The following FANCI variants were observed in gnomAD, a reference collection of about 807,000 sequenced individuals.
The protein encoded by FANCI is Fanconi anemia group I protein.
FANCI carries 156 observed loss-of-function variants against 176.1 expected under a neutral mutation model. That is an observed-to-expected ratio of 0.89 (90% confidence interval 0.78 to 1.01). The LOEUF is 1.01. Ranked by LOEUF, FANCI falls within the 50% of genes least tolerant of loss-of-function variation. FANCI has a pLI of 0.00. For missense variants in FANCI, 1,678 were observed against 1,534.1 expected, an observed-to-expected ratio of 1.09 and a Z score of -1.57; for synonymous variants, 613 against 541.7, an observed-to-expected ratio of 1.13 and a Z score of -1.83.
chr15:89,269,777 TC>T (rs2053127887), intron 10 of FANCI, among the ~76,000 whole-genome samples: 1 of 152,038 alleles, frequency 6.6e-6, no homozygotes, highest in Non-Finnish European at 1.5e-5. Flanking sequence ...TGAATTTTAT[TC>T]CGTTTTTATA....
chr15:89,310,072 C>T (rs2054895090), intron 34 of FANCI, among the ~76,000 whole-genome samples: 1 of 152,208 alleles, frequency 6.6e-6, no homozygotes, highest in Non-Finnish European at 1.5e-5. Context: ...TGCCCAAGAA[C>T]AGACCATGAG....
intron 10 of FANCI, chr15:89,268,752 C>A: frequency 1.2e-5 from 6 of 487,674 alleles, no homozygotes; most frequent in Admixed American, 3.4e-5. Flanking sequence ...CTTAAGCAAG[C>A]CAGAAAGTTC....
rs1388749997 is a variant in FANCI, at chr15:89,307,633, T to C, written c.3612T>C (p.His1204=). 3 of 1,614,224 alleles carry C rather than the reference T, an allele frequency of 1.9e-6. No homozygotes were observed. The highest frequency in any genetic ancestry group is 2.5e-6 in the Non-Finnish European group (3 of 1,180,048). Residue 1204 remains histidine, a synonymous_variant, in exon 34 of 38, where the codon CAT becomes CAC. Coordinates refer to ENST00000310775, the MANE Select transcript of FANCI (RefSeq NM_001113378.2). ...TGCAGGTGAAGCTGTCTGGTTCTCATCTGACCCCCCTGTGTTATTCTTTCA... is the reference window on the plus strand; with the variant it reads ...TGCAGGTGAAGCTGTCTGGTTCTCACCTGACCCCCCTGTGTTATTCTTTCA... The part of the protein sequence containing the change: ...MEKLVKLSGS[H]LTPLCYSFIS...
At chr15:89,260,664 TGTCA>T in intron 3 of FANCI, 45 bp from the exon 4 acceptor site, 1 of 1,607,914 alleles carries the variant, frequency 6.2e-7, no homozygotes, top group Non-Finnish European at 8.5e-7. Flanking sequence ...CCTATTTACC[TGTCA>T]ATGTTGTAAG....
At chr15:89,312,867 T>A (rs1567178970) in intron 34 of FANCI, 37 bp from the exon 35 acceptor site, 37 of 1,488,608 alleles carry the variant, frequency 2.5e-5, no homozygotes, top group Non-Finnish European at 3.2e-5. Flanking sequence ...CACAGAAAAA[T>A]CATCAGGAAT....
intron 10 of FANCI, among the ~76,000 whole-genome samples, chr15:89,270,868 G>C (rs1210836751): frequency 1.3e-5 from 2 of 152,086 alleles, no homozygotes; most frequent in Non-Finnish European, 1.5e-5. Context: ...CCATCCTGAT[G>C]CTAGCCATGT....
At chr15:89,248,602 A>G (rs1388627659) in intron 2 of FANCI, among the ~76,000 whole-genome samples, 1 of 152,112 alleles carries the variant, frequency 6.6e-6, no homozygotes, top group Non-Finnish European at 1.5e-5. Context: ...TTGTAACTTG[A>G]ATCATTCTAT....
intron 2 of FANCI, among the ~76,000 whole-genome samples, chr15:89,249,166 T>C (rs770720588): frequency 1.3e-5 from 2 of 152,188 alleles, no homozygotes; most frequent in Non-Finnish European, 2.9e-5. Flanking sequence ...GTCAGTAATA[T>C]ATGCAGGCAG....
At chr15:89,255,722 T>C (rs1317970121) in intron 2 of FANCI, among the ~76,000 whole-genome samples, 2 of 152,242 alleles carry the variant, frequency 1.3e-5, no homozygotes, top group Admixed American at 1.3e-4. Context: ...TGCCAATTAA[T>C]TTTAAAGCCT....
chr15:89,293,197 T>G, intron 22 of FANCI, 134 bp downstream of exon 22: 1 of 950,066 alleles, frequency 1.1e-6, no homozygotes, highest in Non-Finnish European at 1.6e-6. Context: ...GCACCTAGTC[T>G]AAGACTAAAC....
intron 24 of FANCI, among the ~76,000 whole-genome samples, chr15:89,296,216 G>A (rs1567167323): frequency 6.6e-6 from 1 of 151,502 alleles, no homozygotes; most frequent in Non-Finnish European, 1.5e-5. Flanking sequence ...CCACCACCCT[G>A]GCCTCCCAAA....
intron 36 of FANCI, 34 bp downstream of exon 36, chr15:89,314,741 A>G: frequency 6.8e-7 from 1 of 1,481,162 alleles, no homozygotes; most frequent in Non-Finnish European, 9.4e-7. Context: ...TACCATTCCC[A>G]TTTACCTTCT....
rs1172210005 is a variant in FANCI at position 89,261,718 on chromosome 15, A to G, written c.422A>G (p.Lys141Arg). ...ATTCTCACTGCCCTGGCTACGAAAA[A>G]GGAAAATCTGGCTTATGGAAAAGGT... ...PIILTALATK[K>R]ENLAYGKGVL... The change falls in exon 5 of 38, where the codon AAG becomes AGG. Residue 141 changes from lysine to arginine, a missense_variant. Lys to Arg is a conservative substitution (Grantham distance 26). Around this residue, in one of 3 missense-constraint regions of FANCI, gnomAD observed 469 missense variants for 436.9 expected, o/e 1.07. Transcript: ENST00000310775. 1 of 1,614,154 alleles carries G rather than the reference A, an allele frequency of 6.2e-7. No homozygotes were observed. The highest frequency in any genetic ancestry group is 1.7e-5 in the Admixed American group (1 of 60,024).
At chr15:89,267,332 ATT>A (rs1159827768) in intron 9 of FANCI, among the ~76,000 whole-genome samples, 6 of 94,808 alleles carry the variant, frequency 6.3e-5, no homozygotes, top group Non-Finnish European at 5.5e-5. Context: ...AAAAAAAAAA[ATT>A]TTTTTTTTTT....
chr15:89,300,423 G>A, intron 26 of FANCI, 38 bp downstream of exon 26: 1 of 1,581,314 alleles, frequency 6.3e-7, no homozygotes, highest in Non-Finnish European at 8.7e-7. Flanking sequence ...TGGCCTGAGA[G>A]GCTTTGCAAA....
Position 89,292,853 on chromosome 15 carries a change from G to T in FANCI, c.2158G>T (p.Asp720Tyr), listed in dbSNP as rs578053400. 2 of 1,614,090 alleles carry T rather than the reference G, an allele frequency of 1.2e-6. No homozygotes were observed. The highest frequency in any genetic ancestry group is 1.3e-5 in the African/African-American group (1 of 75,046). ...TNRMIKSELE[D>Y]FELDKSADFS... The stretch of plus-strand genomic sequence containing the variant: ...TAGAATGATTAAGAGTGAGCTGGAA[G>T]ACTTTGAACTGGTAATTGCTAAGTC... Residue 720 changes from aspartate to tyrosine, a missense_variant, in exon 21 of 38, where the codon GAC becomes TAC. Physicochemically the swap from Asp to Tyr is radical, Grantham distance 160. Coordinates refer to ENST00000310775, the MANE Select transcript of FANCI (RefSeq NM_001113378.2).
chr15:89,293,135 A>G lies in FANCI; in HGVS notation c.2291+72A>G, dbSNP rs1056878780. The G allele has an allele frequency of 4.0e-5, 61 of 1,532,756 alleles. No individual in the cohort carries two copies. In the African/African-American group the frequency reaches 8.0e-4, roughly 20 times the overall value. 94.9% of individuals were successfully genotyped at this position (1,532,756 alleles called of 1,614,324 possible). A position where few individuals can be genotyped will look rare whatever the true frequency, so the allele number is the denominator to read the frequency against. ...TTTATTTACATATTTTTACTGTAGC[A>G]GTATTCTAGGCAGTAAACAGACCAC... is the stretch of plus-strand genomic sequence containing the variant. On this transcript the variant is annotated intron_variant, in intron 22 of 37. Transcript: ENST00000310775.
Position 89,316,445 on chromosome 15 carries a change from AAAAGGAAAAAAT to A in FANCI, c.3977_*1del. The A allele has an allele frequency of 6.2e-7, 1 of 1,611,022 alleles. No individual in the cohort carries two copies. Among genetic ancestry groups the A allele is most frequent in the Non-Finnish European group, 8.5e-7 (1 of 1,178,128 alleles). On this transcript the variant is annotated stop_lost and inframe_deletion, in exon 38 of 38. Transcript: ENST00000310775. Reference sequence around the variant, plus strand: ...ACAGAACAAAGAACCAGCCAAGAAGAAAAGGAAAAAATAAATGAAATGCCTGAGTTAATGTGA... The same window carrying A: ...ACAGAACAAAGAACCAGCCAAGAAGAAAATGAAATGCCTGAGTTAATGTGA...
At chr15:89,266,377 G>A (rs930425794) in intron 9 of FANCI, among the ~76,000 whole-genome samples, 2 of 149,614 alleles carry the variant, frequency 1.3e-5, no homozygotes, top group African/African-American at 4.9e-5. Flanking sequence ...TGCCCAGGCT[G>A]GAGTACATTG....
Sources: gnomAD v4.1 joint callset for allele counts (sites outside exome capture counted in the v4.1 genomes callset) on GRCh38, gnomAD v4.1.1 for gene constraint, gnomAD v4.1.1 regional missense constraint, MANE v1.5 for transcripts, NCBI Gene and HGNC (gene_info 2026-07-23, HGNC 2026-07-21) for gene names.